The following RNF220 variants were observed in gnomAD, a reference collection of about 807,000 sequenced individuals.
RNF220 encodes ring finger protein 220.
RNF220 carries 7 observed loss-of-function variants against 67.1 expected under a neutral mutation model. That is an observed-to-expected ratio of 0.10 (90% confidence interval 0.06 to 0.20). The LOEUF (loss-of-function observed/expected upper bound fraction) is 0.20. RNF220 is among the 10% of genes least tolerant of loss of function. RNF220 has a pLI of 1.00. For synonymous variants in RNF220, 270 were observed against 283.2 expected (o/e 0.95, Z 0.47); for missense variants, 565 against 740.3 (o/e 0.76, Z 2.75).
chr1:44,460,501 TG>T (rs1653655240), intron 2 of RNF220, among the ~76,000 whole-genome samples: 1 of 152,164 alleles, frequency 6.6e-6, no homozygotes, highest in African/African-American at 2.4e-5. Context: ...ATAAAAAATA[TG>T]TCAGTAGGCT....
chr1:44,439,106 C>T (rs1335245478), intron 2 of RNF220, among the ~76,000 whole-genome samples: 1 of 152,182 alleles, frequency 6.6e-6, no homozygotes, highest in African/African-American at 2.4e-5. Context: ...TGATCATTTT[C>T]TTAGGATATA....
chr1:44,489,836 G>A (rs1019563942), intron 2 of RNF220, among the ~76,000 whole-genome samples: 1 of 152,168 alleles, frequency 6.6e-6, no homozygotes, highest in Non-Finnish European at 1.5e-5. Flanking sequence ...ATAGGGGAAA[G>A]GGTAGTCTTG....
rs774892254 is a variant in RNF220, at chr1:44,626,281, T to G, written c.805-16T>G. Reference sequence around the variant, plus strand: ...CTCATTTGGCCTGAGGCCACATGTCTTTTTTCTTCTTCCAGTCCCTCCTGT... The same window carrying G: ...CTCATTTGGCCTGAGGCCACATGTCGTTTTTCTTCTTCCAGTCCCTCCTGT... On this transcript the variant is annotated splice_polypyrimidine_tract_variant and intron_variant, in intron 4 of 14. Transcript: ENST00000361799. 2 of 1,609,026 alleles carry G rather than the reference T, an allele frequency of 1.2e-6. No individual in the cohort carries two copies. Among genetic ancestry groups the G allele is most frequent in the South Asian group, 2.2e-5 (2 of 90,884 alleles).
At chr1:44,579,428 C>T (rs1420112080) in intron 2 of RNF220, among the ~76,000 whole-genome samples, 1 of 152,174 alleles carries the variant, frequency 6.6e-6, no homozygotes, top group African/African-American at 2.4e-5. Flanking sequence ...TCTCCCTAGA[C>T]TTGGACCCCC....
intron 2 of RNF220, among the ~76,000 whole-genome samples, chr1:44,556,849 G>A (rs189714745): frequency 9.1e-4 from 138 of 152,086 alleles, no homozygotes; most frequent in African/African-American, 2.4e-3. Context: ...GTAAGCCACC[G>A]CGCCCGGCCT....
chr1:44,514,494 A>C (rs763621419), intron 2 of RNF220, among the ~76,000 whole-genome samples: 4 of 152,220 alleles, frequency 2.6e-5, no homozygotes, highest in African/African-American at 9.6e-5. Flanking sequence ...GGCTTCCTCC[A>C]TTGTGAGCTT....
intron 2 of RNF220, among the ~76,000 whole-genome samples, chr1:44,452,579 T>C (rs549542766): frequency 6.6e-6 from 1 of 152,158 alleles, no homozygotes; most frequent in Admixed American, 6.5e-5. Context: ...AATAAATAAA[T>C]AATAAACCGT....
chr1:44,561,317 C>A (rs576791391), intron 2 of RNF220, among the ~76,000 whole-genome samples: 1 of 152,186 alleles, frequency 6.6e-6, no homozygotes, highest in East Asian at 1.9e-4. Flanking sequence ...CAAGACTAGC[C>A]TGGCCAACAT....
chr1:44,629,905 G>T (rs1644066994), intron 5 of RNF220, among the ~76,000 whole-genome samples: 1 of 152,212 alleles, frequency 6.6e-6, no homozygotes, highest in Non-Finnish European at 1.5e-5. Flanking sequence ...CTGGGGACCT[G>T]CTAGCAGTTT....
In RNF220 at chr1:44,411,129, T is replaced by A. The variant is rs1186728087; in HGVS notation, c.-117-852T>A. On this transcript the variant is annotated intron_variant, in intron 1 of 14. Transcript: ENST00000361799. The stretch of plus-strand genomic sequence containing the variant: ...ACAAATCTACTTAAGAGTGAGTGCA[T>A]TAGTAACTAAAATCACCGATCTGTT... Among the ~76,000 whole-genome samples the A allele has an allele frequency of 2.0e-5, 3 of 152,210 alleles. No individual in the cohort carries two copies. In the South Asian group the frequency reaches 6.2e-4, roughly 32 times the overall value.
At chr1:44,559,311 C>G (rs1236342925) in intron 2 of RNF220, among the ~76,000 whole-genome samples, 2 of 152,202 alleles carry the variant, frequency 1.3e-5, no homozygotes, top group Non-Finnish European at 2.9e-5. Flanking sequence ...TCCCCTCGGC[C>G]CTAGCAGGGC....
rs1321098192 is a variant in RNF220, at chr1:44,624,245, G to C, written c.804+1458G>C. Among the ~76,000 whole-genome samples, 1 of 152,212 alleles carries C rather than the reference G, an allele frequency of 6.6e-6. No homozygotes were observed. The highest frequency in any genetic ancestry group is 6.5e-5 in the Admixed American group (1 of 15,292). ...CCAGCCTGCAGCATTTAATGGTGTG[G>C]TTCAGGAAAGTCAGAGACAAGCTTC... On this transcript the variant is annotated intron_variant, in intron 4 of 14. Coordinates refer to ENST00000361799, the MANE Select transcript of RNF220 (RefSeq NM_018150.4). This position sits in a 1 kb window ranked among gnomAD's most constrained non-coding sequence, Gnocchi z 4.2.
At chr1:44,563,473 G>T (rs6667567) in intron 2 of RNF220, among the ~76,000 whole-genome samples, 104,211 of 151,476 alleles carry the variant, frequency 0.69, 36,560 homozygotes, top group Middle Eastern at 0.76. Flanking sequence ...GGGGCCAGAT[G>T]AACGGGAAGA....
chr1:44,623,895 C>T (rs992756233), intron 4 of RNF220, among the ~76,000 whole-genome samples: 1 of 152,122 alleles, frequency 6.6e-6, no homozygotes, highest in Non-Finnish European at 1.5e-5. Context: ...AGAAGGGGCC[C>T]GTTGTATTTA....
At chr1:44,443,521 C>T (rs1285892408) in intron 2 of RNF220, among the ~76,000 whole-genome samples, 2 of 152,170 alleles carry the variant, frequency 1.3e-5, no homozygotes, top group Non-Finnish European at 2.9e-5. Context: ...GTTCATGTCA[C>T]CTGCCTACCT....
intron 2 of RNF220, among the ~76,000 whole-genome samples, chr1:44,548,143 C>T (rs1572846959): frequency 1.3e-5 from 2 of 152,114 alleles, no homozygotes; most frequent in East Asian, 3.9e-4. Context: ...GATTCCTTAT[C>T]GTCCCTTATA....
At chr1:44,636,317 C>A in intron 8 of RNF220, 155 bp downstream of exon 8, 1 of 915,204 alleles carries the variant, frequency 1.1e-6, no homozygotes, top group Non-Finnish European at 1.8e-6. Flanking sequence ...TGTGACCGTG[C>A]TGCCTGCCTG....
chr1:44,496,322 A>G (rs1308868898), intron 2 of RNF220, among the ~76,000 whole-genome samples: 2 of 152,210 alleles, frequency 1.3e-5, no homozygotes, highest in African/African-American at 4.8e-5. Flanking sequence ...TGGGCTGATG[A>G]TAGAGAGTCA....
chr1:44,416,519 C>G (rs578068883), intron 2 of RNF220, among the ~76,000 whole-genome samples: 1 of 152,250 alleles, frequency 6.6e-6, no homozygotes, highest in Admixed American at 6.5e-5. Context: ...TCAGGCTGCC[C>G]CTGTGCCCAG....
Sources: allele counts gnomAD v4.1 joint callset (sites outside exome capture counted in the v4.1 genomes callset), GRCh38; gene constraint gnomAD v4.1.1; non-coding constraint Gnocchi (gnomAD v3.1); transcripts MANE v1.5; gene names NCBI Gene and HGNC (gene_info 2026-07-23, HGNC 2026-07-21).